The following IL19 variants were observed in gnomAD, a reference collection of about 807,000 sequenced individuals.
IL19 encodes the protein interleukin 19.
In IL19, 15 loss-of-function variants were observed where a neutral mutation model predicts 19.5. The observed-to-expected ratio is 0.77, with a 90% confidence interval of 0.52 to 1.19. The LOEUF (loss-of-function observed/expected upper bound fraction) is 1.19. Ranked by LOEUF, IL19 falls within the 50% of genes most tolerant of loss-of-function variation. The probability of loss-of-function intolerance (pLI) is 0.00; values close to 1 mark genes in which losing one functional copy is unlikely to be tolerated. For missense variants in IL19, 199 were observed against 213.1 expected, an observed-to-expected ratio of 0.93 and a Z score of 0.41; for synonymous variants, 78 against 78.3, an observed-to-expected ratio of 1.00 and a Z score of 0.02.
Position 206,773,586 on chromosome 1 carries a change from T to TTGTGTGTGTGTGTGTGTG in IL19, c.-149+2536_-149+2553dup, listed in dbSNP as rs2234662. On this transcript the variant is annotated intron_variant, in intron 1 of 6. Coordinates refer to ENST00000659997, the MANE Select transcript of IL19 (RefSeq NM_153758.5). ...AAGCCTTAGTAGTGTTGTCTTGGATTTGTGTGTGTGTGTGTGTGTGTGTGT... is the reference window on the plus strand; with the variant it reads ...AAGCCTTAGTAGTGTTGTCTTGGATTTGTGTGTGTGTGTGTGTGTGTGTGTGTGTGTGTGTGTGTGTGT... Among the ~76,000 whole-genome samples, 5 of 131,780 alleles carry TTGTGTGTGTGTGTGTGTG rather than the reference T, an allele frequency of 3.8e-5. No individual in the cohort carries two copies. In the East Asian group the frequency reaches 8.9e-4, roughly 23 times the overall value. 86.5% of individuals were successfully genotyped at this position (131,780 alleles called of 152,430 possible).
intron 1 of IL19, among the ~76,000 whole-genome samples, chr1:206,796,630 A>C (rs150224142): frequency 6.6e-6 from 1 of 152,336 alleles, no homozygotes; most frequent in African/African-American, 2.4e-5. Flanking sequence ...ACCTACCATC[A>C]TGTTACAATT....
chr1:206,817,153 C>T (rs1676178046), intron 2 of IL19, among the ~76,000 whole-genome samples: 1 of 152,204 alleles, frequency 6.6e-6, no homozygotes, highest in Non-Finnish European at 1.5e-5. Context: ...TTGCTGACAT[C>T]ACAGCCTAAA....
At chr1:206,803,073 G>C (rs565188568) in intron 2 of IL19, among the ~76,000 whole-genome samples, 1 of 152,260 alleles carries the variant, frequency 6.6e-6, no homozygotes, top group Admixed American at 6.5e-5. Context: ...GAATTCCCTA[G>C]TCCTGCTTGC....
At chr1:206,829,511 G>A (rs1572570980) in intron 2 of IL19, among the ~76,000 whole-genome samples, 3 of 152,262 alleles carry the variant, frequency 2.0e-5, no homozygotes, top group Admixed American at 2.0e-4. Context: ...GAGCCTGTGA[G>A]GTGTGGGAGA....
At chr1:206,828,221 G>A (rs1676491819) in intron 2 of IL19, among the ~76,000 whole-genome samples, 1 of 21,782 alleles carries the variant, frequency 4.6e-5, no homozygotes. Context: ...ATGTCCAGAT[G>A]TCCCAAGTAC....
At chr1:206,836,460 G>A (rs866844171) in intron 2 of IL19, among the ~76,000 whole-genome samples, 1 of 151,942 alleles carries the variant, frequency 6.6e-6, no homozygotes, top group South Asian at 2.1e-4. Context: ...TGAGGGTGGG[G>A]AAGAACTCAT....
chr1:206,778,534 C>T (rs917322045), intron 1 of IL19, among the ~76,000 whole-genome samples: 3 of 152,148 alleles, frequency 2.0e-5, no homozygotes, highest in East Asian at 3.9e-4. Flanking sequence ...CATATCCAAG[C>T]AGGGCTGGGT....
intron 1 of IL19, among the ~76,000 whole-genome samples, chr1:206,785,818 C>T (rs1199274162): frequency 6.6e-6 from 1 of 152,226 alleles, no homozygotes; most frequent in Non-Finnish European, 1.5e-5. Context: ...GTAACCCCTG[C>T]TTTGTAGGCT....
At chr1:206,790,401 T>C (rs1361174868) in intron 1 of IL19, among the ~76,000 whole-genome samples, 1 of 152,078 alleles carries the variant, frequency 6.6e-6, no homozygotes, top group Admixed American at 6.6e-5. Flanking sequence ...CTGCTTATGG[T>C]CATTCCTTCC....
intron 1 of IL19, among the ~76,000 whole-genome samples, chr1:206,788,471 C>G (rs1675316291): frequency 1.3e-5 from 2 of 152,254 alleles, no homozygotes; most frequent in African/African-American, 4.8e-5. Context: ...ATAATCAGTT[C>G]ATTCCTTTAC....
At chr1:206,781,893 AGT>A (rs1170800410) in intron 1 of IL19, among the ~76,000 whole-genome samples, 1 of 127,842 alleles carries the variant, frequency 7.8e-6, no homozygotes, top group African/African-American at 3.2e-5. Context: ...ATATGTATAT[AGT>A]TATATATACA....
intron 1 of IL19, among the ~76,000 whole-genome samples, chr1:206,780,955 G>A (rs1465318813): frequency 6.6e-6 from 1 of 152,132 alleles, no homozygotes; most frequent in East Asian, 1.9e-4. Context: ...TTAAGTTTAG[G>A]AATTGGGAAT....
At chr1:206,816,294 A>G (rs1676153289) in intron 2 of IL19, among the ~76,000 whole-genome samples, 1 of 152,198 alleles carries the variant, frequency 6.6e-6, no homozygotes, top group Non-Finnish European at 1.5e-5. Context: ...GAATATCTTT[A>G]AAAGATAATT....
intron 2 of IL19, among the ~76,000 whole-genome samples, chr1:206,821,647 G>A (rs930520182): frequency 2.0e-5 from 3 of 152,230 alleles, no homozygotes; most frequent in East Asian, 1.9e-4. Context: ...CATTAGCTTC[G>A]CTCCTATTGT....
chr1:206,831,696 T>C (rs557132361), intron 2 of IL19, among the ~76,000 whole-genome samples: 2 of 152,330 alleles, frequency 1.3e-5, no homozygotes, highest in South Asian at 4.1e-4. Flanking sequence ...GCAGTAGGCA[T>C]GATGTGTACC....
chr1:206,825,891 G>A (rs1461979729), intron 2 of IL19, among the ~76,000 whole-genome samples: 4 of 152,206 alleles, frequency 2.6e-5, no homozygotes, highest in Admixed American at 1.3e-4. Context: ...TGAGGATAAA[G>A]TGATGAACAA....
At chr1:206,802,260 C>G (rs1018965294) in intron 2 of IL19, among the ~76,000 whole-genome samples, 1 of 152,034 alleles carries the variant, frequency 6.6e-6, no homozygotes. Flanking sequence ...TTATTGGGGC[C>G]CTAGAGAACA....
intron 1 of IL19, among the ~76,000 whole-genome samples, chr1:206,788,194 T>C (rs1675310722): frequency 6.6e-6 from 1 of 152,150 alleles, no homozygotes; most frequent in Non-Finnish European, 1.5e-5. Context: ...GTTCTATGAC[T>C]AACTGATGCC....
chr1:206,792,636 T>C (rs1675435464), intron 1 of IL19, among the ~76,000 whole-genome samples: 1 of 152,146 alleles, frequency 6.6e-6, no homozygotes, highest in African/African-American at 2.4e-5. Flanking sequence ...TTTGTATTTT[T>C]AGTAGAGACA....
Sources: gnomAD v4.1 joint callset for allele counts (sites outside exome capture counted in the v4.1 genomes callset) on GRCh38, gnomAD v4.1.1 for gene constraint, MANE v1.5 for transcripts, NCBI Gene and HGNC (gene_info 2026-07-23, HGNC 2026-07-21) for gene names.